CDH13: variants seen among roughly 807,000 people sequenced by gnomAD.
CDH13 encodes the protein cadherin-13.
Under a neutral mutation model 63.8 loss-of-function variants are expected in CDH13, and 24 were observed. That is an observed-to-expected ratio of 0.38 (90% CI 0.27 to 0.53). CDH13 has a LOEUF of 0.53. Ranked by LOEUF, CDH13 falls within the 20% of genes least tolerant of loss-of-function variation. The pLI is 0.85. For synonymous variants in CDH13, 503 were observed against 355.3 expected, an observed-to-expected ratio of 1.42 and a Z score of -4.67; for missense variants, 1,049 against 903.1, an observed-to-expected ratio of 1.16 and a Z score of -2.07.
intron 7 of CDH13, among the ~76,000 whole-genome samples, chr16:83,487,181 C>T (rs2073908984): frequency 6.6e-6 from 1 of 152,256 alleles, no homozygotes; most frequent in Admixed American, 6.5e-5. Context: ...TCTCCCCCGT[C>T]TCCTGGGTCA....
At chr16:82,952,786 A>C (rs1280651432) in intron 2 of CDH13, among the ~76,000 whole-genome samples, 1 of 152,180 alleles carries the variant, frequency 6.6e-6, no homozygotes, top group Non-Finnish European at 1.5e-5. Flanking sequence ...CAAGATGCTT[A>C]TCTGTATGAA....
rs77224826 is a variant in CDH13, at chr16:83,663,997, C to CAA, written c.1102-6778_1102-6777dup. Among the ~76,000 whole-genome samples the CAA allele has an allele frequency of 5.7e-3, 492 of 86,568 alleles. 2 individuals carry two copies. Among genetic ancestry groups the CAA allele is most frequent in the African/African-American group, 0.019 (464 of 24,134 alleles). The allele number at this position is 86,568 out of a possible 152,430, so 56.8% of individuals were successfully genotyped here. On this transcript the variant is annotated intron_variant, in intron 8 of 13. Coordinates refer to ENST00000567109, the MANE Select transcript of CDH13 (RefSeq NM_001257.5). ...CAACTTAGTAGGACTCCCATCTCTA[C>CAA]AAAAAAAAAAAAAAAATTTAAATTA...
chr16:83,616,601 C>T (rs537722357), intron 8 of CDH13, among the ~76,000 whole-genome samples: 14 of 152,178 alleles, frequency 9.2e-5, no homozygotes, highest in Admixed American at 3.9e-4. Flanking sequence ...ACCACAAAGC[C>T]ATAAAACATC....
At chr16:83,536,707 A>G (rs1255831756) in intron 7 of CDH13, among the ~76,000 whole-genome samples, 1 of 152,210 alleles carries the variant, frequency 6.6e-6, no homozygotes, top group African/African-American at 2.4e-5. Context: ...GGAGAAGGAG[A>G]TAAGAGAAAT....
intron 3 of CDH13, among the ~76,000 whole-genome samples, chr16:83,105,030 G>A (rs79569167): frequency 6.6e-5 from 10 of 151,788 alleles, no homozygotes; most frequent in South Asian, 2.1e-4. Context: ...TTTAAGTTCC[G>A]GGGTACACGC....
chr16:83,510,941 A>G (rs187549757), intron 7 of CDH13, among the ~76,000 whole-genome samples: 1 of 152,388 alleles, frequency 6.6e-6, no homozygotes, highest in East Asian at 1.9e-4. Context: ...GACTGAGAGA[A>G]GACTACCATG....
At chr16:83,015,149 G>A (rs951447912) in intron 2 of CDH13, among the ~76,000 whole-genome samples, 4 of 151,884 alleles carry the variant, frequency 2.6e-5, no homozygotes, top group Non-Finnish European at 4.4e-5. Flanking sequence ...ATCAAAATGT[G>A]TGGCTAATCG....
At chr16:82,915,792 A>T (rs1178999262) in intron 2 of CDH13, among the ~76,000 whole-genome samples, 1 of 150,686 alleles carries the variant, frequency 6.6e-6, no homozygotes, top group Non-Finnish European at 1.5e-5. Flanking sequence ...CAGAGACTTT[A>T]AGGTACCCTC....
intron 10 of CDH13, 104 bp downstream of exon 10, chr16:83,678,565 C>A: frequency 7.2e-7 from 1 of 1,391,502 alleles, no homozygotes; most frequent in Non-Finnish European, 9.8e-7. Flanking sequence ...TTAAATTAAA[C>A]TTGTTAACAA....
At chr16:82,769,871 G>A (rs897570544) in intron 1 of CDH13, among the ~76,000 whole-genome samples, 1 of 152,198 alleles carries the variant, frequency 6.6e-6, no homozygotes, top group Non-Finnish European at 1.5e-5. Context: ...AAATGTGACA[G>A]GATAAGTCAG....
chr16:83,044,976 G>A (rs4294808), intron 3 of CDH13, among the ~76,000 whole-genome samples: 71,232 of 151,932 alleles, frequency 0.47, 17,435 homozygotes, highest in African/African-American at 0.61. Context: ...CCTATCTCTT[G>A]TTATTACCAT....
intron 1 of CDH13, among the ~76,000 whole-genome samples, chr16:82,801,027 T>C (rs1430007487): frequency 6.6e-6 from 1 of 152,214 alleles, no homozygotes; most frequent in African/African-American, 2.4e-5. Context: ...TGACCCTTAT[T>C]GAGCAAAGAT....
intron 7 of CDH13, among the ~76,000 whole-genome samples, chr16:83,583,173 T>C (rs528406430): frequency 6.6e-6 from 1 of 152,276 alleles, no homozygotes; most frequent in African/African-American, 2.4e-5. Context: ...TGTCTTCTCA[T>C]CTTCTGTCTC....
At chr16:82,834,938 A>G (rs1183079481) in intron 1 of CDH13, among the ~76,000 whole-genome samples, 2 of 152,152 alleles carry the variant, frequency 1.3e-5, no homozygotes, top group Non-Finnish European at 1.5e-5. Context: ...AAAACCTAAC[A>G]TATTTACTAC....
In CDH13 at chr16:83,134,275, C is replaced by T. The variant is rs182746049; in HGVS notation, c.483+8774C>T. ...TGGCACAATCTTGGCTCACTGCAAC[C>T]TCTGCCTCCCAGGTTCAAGCAGTTC... is the stretch of plus-strand genomic sequence containing the variant. On this transcript the variant is annotated intron_variant, in intron 4 of 13. Coordinates refer to ENST00000567109, the MANE Select transcript of CDH13 (RefSeq NM_001257.5). Among the ~76,000 whole-genome samples, 5 of 152,274 alleles carry T rather than the reference C, an allele frequency of 3.3e-5. No homozygotes were observed. The East Asian group carries it at 9.7e-4, about 29-fold the overall frequency.
chr16:83,420,744 C>G (rs2071690807), intron 6 of CDH13, among the ~76,000 whole-genome samples: 1 of 152,282 alleles, frequency 6.6e-6, no homozygotes, highest in East Asian at 1.9e-4. Context: ...GTGGCTCAGT[C>G]CGAATCCGAG....
chr16:83,122,402 C>A (rs182140805), intron 3 of CDH13, among the ~76,000 whole-genome samples: 5 of 152,276 alleles, frequency 3.3e-5, no homozygotes, highest in Middle Eastern at 3.4e-3. Context: ...ACAAAGTTTT[C>A]ATTTTGAACA....
intron 7 of CDH13, among the ~76,000 whole-genome samples, chr16:83,507,599 A>G (rs1268080653): frequency 6.6e-6 from 1 of 152,232 alleles, no homozygotes; most frequent in Non-Finnish European, 1.5e-5. Flanking sequence ...TAACTGAGCT[A>G]GACTGTTAAT....
At chr16:83,195,405 T>G (rs1228555530) in intron 4 of CDH13, among the ~76,000 whole-genome samples, 2 of 152,128 alleles carry the variant, frequency 1.3e-5, no homozygotes, top group Non-Finnish European at 2.9e-5. Context: ...AGTAAGCAGC[T>G]TCTGCTTCTG....
Sources: gnomAD v4.1 joint callset for allele counts (sites outside exome capture counted in the v4.1 genomes callset) on GRCh38, gnomAD v4.1.1 for gene constraint, MANE v1.5 for transcripts, NCBI Gene and HGNC (gene_info 2026-07-23, HGNC 2026-07-21) for gene names.